Variants in PROP1 observed in about 807,000 individuals in gnomAD.
PROP1 encodes the protein homeobox protein prophet of Pit-1.
In PROP1, 12 loss-of-function variants were observed where a neutral mutation model predicts 22.3. That is an observed-to-expected ratio of 0.54 (90% confidence interval 0.34 to 0.87). PROP1 has a LOEUF of 0.87. Ranked by LOEUF, PROP1 falls within the 40% of genes least tolerant of loss-of-function variation. The pLI, the probability that PROP1 is intolerant of heterozygous loss-of-function variation, is 0.01. For synonymous variants in PROP1, 112 were observed against 116.7 expected (o/e 0.96, Z 0.26); for missense variants, 278 against 295.1 (o/e 0.94, Z 0.43).
In PROP1 at chr5:177,992,603, C is replaced by G; in HGVS notation, c.*106G>C. On this transcript the variant is annotated 3_prime_UTR_variant, in exon 3 of 3. Transcript: ENST00000308304. ...AATTTCTAATCGCTGAGCTGACCCT[C>G]ACCATGCATCTGCTTCACCCATAGA... is the stretch of plus-strand genomic sequence containing the variant. 1.4e-6 allele frequency: 1 copy of G among 735,600 alleles called. No individual in the cohort carries two copies. The highest frequency in any genetic ancestry group is 1.7e-5 in the South Asian group (1 of 57,706). The allele number at this position is 735,600 out of a possible 1,614,324, so 45.6% of individuals were successfully genotyped here.
chr5:177,992,868 G>A lies in PROP1; in HGVS notation c.522C>T (p.Ala174=), dbSNP rs1284145562. Residue 174 remains alanine (A), a synonymous_variant, in exon 3 of 3, where the codon GCC becomes GCT. Coordinates refer to ENST00000308304, the MANE Select transcript of PROP1 (RefSeq NM_006261.5). ...CTCCTGTGGAGGGCTGGGAAGGGAG[G>A]GCATGGCTGTAGGGGTGAGGGAAGC... The part of the protein sequence containing the change: ...VTCFPHPYSH[A]LPSQPSTGGA... The A allele has an allele frequency of 1.2e-6, 2 of 1,613,404 alleles. No individual in the cohort carries two copies.
At chr5:177,994,041 A>G (rs1755689226) in intron 2 of PROP1, 65 bp downstream of exon 2, 14 of 1,564,072 alleles carry the variant, frequency 9.0e-6, no homozygotes, top group South Asian at 7.8e-5. Flanking sequence ...AATGCCCAAC[A>G]TTCTATGATA....
intron 1 of PROP1, 25 bp from the exon 2 acceptor site, chr5:177,994,363 C>T (rs371328809): frequency 1.1e-5 from 17 of 1,559,090 alleles, no homozygotes; most frequent in South Asian, 4.7e-5. Context: ...AAGGGAGGGG[C>T]GGCTTCTGAG....
chr5:177,994,140 G>A lies in PROP1; in HGVS notation c.308C>T (p.Ala103Val). 6.2e-7 allele frequency: 1 copy of A among 1,614,174 alleles called. No individual in the cohort carries two copies. Among genetic ancestry groups the A allele is most frequent in the Non-Finnish European group, 8.5e-7 (1 of 1,180,016 alleles). Residue 103 changes from alanine (A) to valine (V), a missense_variant, in exon 2 of 3, where the codon GCC (alanine) becomes GTC (valine). Transcript: ENST00000308304. ...GGCCTCACTGAGGCCAGTGTCCCGG[G>A]CAAGACTCTCTCGGGCCCAGATGTC... The part of the protein sequence containing the change: ...YPDIWARESL[A>V]RDTGLSEARI...
Position 177,994,354 on chromosome 5 carries a change from AG to A in PROP1, c.110-17del. Reference sequence around the variant, plus strand: ...GCACTCGAGTCTGAGAACGGAGAGAAGGGAGGGGCGGCTTCTGAGGAGGACG... The same window carrying A: ...GCACTCGAGTCTGAGAACGGAGAGAAGGAGGGGCGGCTTCTGAGGAGGACG... On this transcript the variant is annotated splice_polypyrimidine_tract_variant and intron_variant, in intron 1 of 2. Transcript: ENST00000308304. 1.3e-6 allele frequency: 2 copies of A among 1,570,880 alleles called. No homozygotes were observed. The highest frequency in any genetic ancestry group is 1.7e-6 in the Non-Finnish European group (2 of 1,157,252).
Position 177,994,337 on chromosome 5 carries a change from G to T in PROP1, c.111C>A (p.Asp37Glu). 1 of 1,589,454 alleles carries T rather than the reference G, an allele frequency of 6.3e-7. No individual in the cohort carries two copies. Among genetic ancestry groups the T allele is most frequent in the African/African-American group, 1.3e-5 (1 of 74,620 alleles). The part of the protein sequence containing the change: ...PATGTPTTTV[D>E]SSAPPCRRLP... ...GCCTTCTGCAGGGTGGAGCACTCGA[G>T]TCTGAGAACGGAGAGAAGGGAGGGG... Residue 37 changes from aspartate (D) to glutamate (E), a missense_variant and splice_region_variant, in exon 2 of 3, where the codon GAC (aspartate) becomes GAA (glutamate). By Grantham distance (45) the Asp-to-Glu change is conservative. Coordinates refer to ENST00000308304, the MANE Select transcript of PROP1 (RefSeq NM_006261.5).
chr5:177,994,246 A>T lies in PROP1; in HGVS notation c.202T>A (p.Ser68Thr). The change falls in exon 2 of 3, where the codon TCC (serine) becomes ACC (threonine). Residue 68 changes from serine (S) to threonine (T), a missense_variant. Ser to Thr is a moderately conservative substitution (Grantham distance 58). Coordinates refer to ENST00000308304, the MANE Select transcript of PROP1 (RefSeq NM_006261.5). Reference sequence around the variant, plus strand: ...AAGGTGGTGCGGTGGCGGCGCCGGGAGTGCGGGCGGCCCCTCTGTCCTCCT... The same window carrying T: ...AAGGTGGTGCGGTGGCGGCGCCGGGTGTGCGGGCGGCCCCTCTGTCCTCCT... ...PQGGQRGRPH[S>T]RRRHRTTFSP... The T allele has an allele frequency of 6.2e-7, 1 of 1,613,846 alleles. No individual in the cohort carries two copies.
intron 1 of PROP1, among the ~76,000 whole-genome samples, chr5:177,995,481 G>A (rs1451348211): frequency 5.9e-5 from 3 of 51,232 alleles, no homozygotes; most frequent in Admixed American, 4.7e-4. Flanking sequence ...CCGCCCTCCC[G>A]CCCTGGACCC....
chr5:177,993,952 A>G (rs1772708362), intron 2 of PROP1, among the ~76,000 whole-genome samples, 154 bp downstream of exon 2: 1 of 152,212 alleles, frequency 6.6e-6, no homozygotes, highest in South Asian at 2.1e-4. Context: ...CTCAAGTGAT[A>G]TGATATTCTC....
intron 1 of PROP1, among the ~76,000 whole-genome samples, 153 bp from the exon 2 acceptor site, chr5:177,994,491 G>A (rs1755707609): frequency 1.3e-5 from 2 of 152,050 alleles, no homozygotes; most frequent in African/African-American, 2.4e-5. Flanking sequence ...AGACTGGAGT[G>A]CAGTGGTGTG....
At position 177,996,236 on chromosome 5, in the gene PROP1, G is replaced by A. The variant is rs1582665028; in HGVS notation, c.-303C>T. The A allele has an allele frequency of 2.3e-6, 1 of 444,162 alleles. No individual in the cohort carries two copies. The highest frequency in any genetic ancestry group is 4.2e-6 in the Non-Finnish European group (1 of 239,820). 27.5% of individuals were successfully genotyped at this position (444,162 alleles called of 1,614,324 possible). On this transcript the variant is annotated 5_prime_UTR_variant, in exon 1 of 3. Transcript: ENST00000308304. The stretch of plus-strand genomic sequence containing the variant: ...TCTCTGCCTGGCCCTTCTCCCCACC[G>A]GGATGCTGCTCCCTTCTGTCAGCTG...
rs745650009 is a variant in PROP1 at position 177,994,236 on chromosome 5, C to A, written c.212G>T (p.Arg71Leu). The change falls in exon 2 of 3, where the codon CGC becomes CTC. Residue 71 changes from arginine to leucine, a missense_variant. By Grantham distance (102) the Arg-to-Leu change is moderately radical. Transcript: ENST00000308304. ...GQRGRPHSRR[R>L]HRTTFSPVQL... ...CACTGGGCTGAAGGTGGTGCGGTGGCGGCGCCGGGAGTGCGGGCGGCCCCT... is the reference window on the plus strand; with the variant it reads ...CACTGGGCTGAAGGTGGTGCGGTGGAGGCGCCGGGAGTGCGGGCGGCCCCT... 6.2e-7 allele frequency: 1 copy of A among 1,613,964 alleles called. No individual in the cohort carries two copies.
chr5:177,992,515 C>T lies in PROP1; in HGVS notation c.*194G>A. 3.4e-6 allele frequency: 2 copies of T among 581,060 alleles called. No homozygotes were observed. The highest frequency in any genetic ancestry group is 3.0e-5 in the Admixed American group (1 of 33,316). 36.0% of individuals were successfully genotyped at this position (581,060 alleles called of 1,614,324 possible). On this transcript the variant is annotated 3_prime_UTR_variant, in exon 3 of 3. Transcript: ENST00000308304. The stretch of plus-strand genomic sequence containing the variant: ...TCTTGCCCTGTCTCTTCCAGTAGCT[C>T]ACCTCCCCAGACTTCCTCCACTAAT...
At position 177,992,599 on chromosome 5, in the gene PROP1, C is replaced by A. The variant is rs919089967; in HGVS notation, c.*110G>T. ...TTTAAATTTCTAATCGCTGAGCTGACCCTCACCATGCATCTGCTTCACCCA... is the reference window on the plus strand; with the variant it reads ...TTTAAATTTCTAATCGCTGAGCTGAACCTCACCATGCATCTGCTTCACCCA... On this transcript the variant is annotated 3_prime_UTR_variant, in exon 3 of 3. Transcript: ENST00000308304. 6.8e-5 allele frequency: 49 copies of A among 718,212 alleles called. No homozygotes were observed. Among genetic ancestry groups the A allele is most frequent in the Non-Finnish European group, 5.8e-5 (25 of 434,710 alleles). The allele number at this position is 718,212 out of a possible 1,614,324, so 44.5% of individuals were successfully genotyped here.
rs148521122 is a variant in PROP1, at chr5:177,994,335, G to A, written c.113C>T (p.Ser38Leu). 512 of 1,592,488 alleles carry A rather than the reference G, an allele frequency of 3.2e-4. No homozygotes were observed. Among genetic ancestry groups the A allele is most frequent in the Non-Finnish European group, 4.2e-4 (493 of 1,168,800 alleles). Residue 38 changes from serine to leucine, a missense_variant, in exon 2 of 3, where the codon TCG becomes TTG. Transcript: ENST00000308304. ...ATGTPTTTVD[S>L]SAPPCRRLPG... is the part of the protein sequence containing the mutation. ...GAGCCTTCTGCAGGGTGGAGCACTC[G>A]AGTCTGAGAACGGAGAGAAGGGAGG...
At chr5:177,994,484 C>T in intron 1 of PROP1, 146 bp from the exon 2 acceptor site, 2 of 713,324 alleles carry the variant, frequency 2.8e-6, no homozygotes, top group South Asian at 2.0e-5. Flanking sequence ...GTCTCCCAGA[C>T]TGGAGTGCAG....
At position 177,994,097 on chromosome 5, in the gene PROP1, G is replaced by C; in HGVS notation, c.342+9C>G. On this transcript the variant is annotated intron_variant, in intron 2 of 2. Transcript: ENST00000308304. Reference sequence around the variant, plus strand: ...TCTTTCCTGAGAGAGGAGGATCCTGGAGCATCACCTGGATTCGGGCCTCAC... The same window carrying C: ...TCTTTCCTGAGAGAGGAGGATCCTGCAGCATCACCTGGATTCGGGCCTCAC... 6.2e-7 allele frequency: 1 copy of C among 1,613,200 alleles called. No homozygotes were observed. Among genetic ancestry groups the C allele is most frequent in the Non-Finnish European group, 8.5e-7 (1 of 1,179,146 alleles).
Position 177,992,598 on chromosome 5 carries a change from A to C in PROP1, c.*111T>G. 1 of 709,916 alleles carries C rather than the reference A, an allele frequency of 1.4e-6. No individual in the cohort carries two copies. The highest frequency in any genetic ancestry group is 2.3e-6 in the Non-Finnish European group (1 of 427,682). The allele number at this position is 709,916 out of a possible 1,614,324, so 44.0% of individuals were successfully genotyped here. On this transcript the variant is annotated 3_prime_UTR_variant, in exon 3 of 3. Transcript: ENST00000308304. Reference sequence around the variant, plus strand: ...TTTTAAATTTCTAATCGCTGAGCTGACCCTCACCATGCATCTGCTTCACCC... The same window carrying C: ...TTTTAAATTTCTAATCGCTGAGCTGCCCCTCACCATGCATCTGCTTCACCC...
Position 177,995,888 on chromosome 5 carries a change from G to A in PROP1, c.46C>T (p.Arg16Ter), listed in dbSNP as rs140016178. Residue 16 changes from arginine to a stop codon, truncating the protein, a stop_gained, in exon 1 of 3, where the codon CGA becomes TGA. Transcript: ENST00000308304. LOFTEE classifies it high-confidence loss of function. ...RRQAEKPKKG[R>*]VGSNLLPERH... is the part of the protein sequence containing the mutation. ...TCAGGCAACAGGTTGCTGCCGACTC[G>A]CCCCTTCTTTGGCTTCTCAGCCTGG... is the stretch of plus-strand genomic sequence containing the variant. 6.8e-6 allele frequency: 11 copies of A among 1,613,992 alleles called. No individual in the cohort carries two copies. Among genetic ancestry groups the A allele is most frequent in the Admixed American group, 3.3e-5 (2 of 60,024 alleles).
Sources: gnomAD v4.1 joint callset for allele counts (sites outside exome capture counted in the v4.1 genomes callset) on GRCh38, gnomAD v4.1.1 for gene constraint, MANE v1.5 for transcripts, NCBI Gene and HGNC (gene_info 2026-07-23, HGNC 2026-07-21) for gene names.